TMEM230: variants seen among roughly 807,000 people sequenced by gnomAD.
TMEM230 encodes the protein UPF0414 transmembrane protein C20orf30.
In TMEM230, 10 loss-of-function variants were observed where a neutral mutation model predicts 15.8. The observed-to-expected ratio is 0.63, with a 90% CI of 0.39 to 1.07. The LOEUF (loss-of-function observed/expected upper bound fraction) is 1.07, where lower values mean the gene tolerates loss of function less well. Among genes scored for constraint, TMEM230 ranks in the 50% least tolerant of loss-of-function variants. The pLI, the probability that TMEM230 is intolerant of heterozygous loss-of-function variation, is 0.01. For synonymous variants in TMEM230, 67 were observed against 76.9 expected (o/e 0.87, Z 0.68); for missense variants, 165 against 193.3 (o/e 0.85, Z 0.87).
chr20:5,083,515 T>C (rs1345749062), intron 3 of TMEM230, among the ~76,000 whole-genome samples: 1 of 152,126 alleles, frequency 6.6e-6, no homozygotes, highest in Non-Finnish European at 1.5e-5. Flanking sequence ...TTCAACCTAT[T>C]AGGGCACTCA....
chr20:5,089,009 T>C (rs1231585801), intron 3 of TMEM230, among the ~76,000 whole-genome samples: 1 of 152,176 alleles, frequency 6.6e-6, no homozygotes, highest in Non-Finnish European at 1.5e-5. Flanking sequence ...GAGATAAAAA[T>C]GTTATGGTCA....
downstream of TMEM230, among the ~76,000 whole-genome samples, chr20:5,063,708 A>C (rs1326342191): frequency 2.6e-5 from 4 of 152,198 alleles, no homozygotes; most frequent in Non-Finnish European, 5.9e-5. Context: ...AAGTCATACA[A>C]GCTGCATATA....
chr20:5,102,480 C>T (rs1036811002), intron 4 of TMEM230, among the ~76,000 whole-genome samples: 1 of 151,840 alleles, frequency 6.6e-6, no homozygotes, highest in African/African-American at 2.4e-5. Context: ...CGCTTGAGCT[C>T]AGGATTTCAA....
chr20:5,061,085 C>T, the TMEM230 span: 1 of 152,190 alleles, frequency 6.6e-6, no homozygotes, highest in African/African-American at 2.4e-5. Flanking sequence ...AAACACAATA[C>T]AGCCTGGAAT....
At chr20:5,090,992 CATG>C (rs528838376) in intron 3 of TMEM230, among the ~76,000 whole-genome samples, 6 of 152,102 alleles carry the variant, frequency 3.9e-5, no homozygotes, top group Non-Finnish European at 8.8e-5. Context: ...TACTGATTTT[CATG>C]ATAAGCCTTG....
chr20:5,105,412 G>A (rs1328995970), intron 4 of TMEM230, among the ~76,000 whole-genome samples: 4 of 151,976 alleles, frequency 2.6e-5, no homozygotes, highest in African/African-American at 7.3e-5. Flanking sequence ...GCAACATGGC[G>A]AAACCCCATC....
intron 2 of TMEM230, chr20:5,110,984 C>T (rs1283344585): frequency 1.3e-5 from 2 of 152,058 alleles, no homozygotes; most frequent in Non-Finnish European, 2.9e-5. Context: ...GAATTCGAGA[C>T]CAGCTTGGCC....
At chr20:5,088,178 G>A (rs532647275) in intron 3 of TMEM230, among the ~76,000 whole-genome samples, 4 of 150,856 alleles carry the variant, frequency 2.7e-5, no homozygotes, top group African/African-American at 4.9e-5. Context: ...GCGTGGTGGC[G>A]CATGCCTGTA....
At chr20:5,106,615 C>G (rs1245742472) in intron 3 of TMEM230, among the ~76,000 whole-genome samples, 4 of 152,134 alleles carry the variant, frequency 2.6e-5, no homozygotes, top group African/African-American at 9.7e-5. Flanking sequence ...CCTTGTTGAC[C>G]TGGCTGGGCT....
rs531352252 is a variant in TMEM230 at position 5,106,667 on chromosome 20, A to C, written c.289-357T>G. ...GGTGATCCGCCCGCCTCGGCCTCCC[A>C]AAGTGCTGGCATTACAGGCGTGAGC... On this transcript the variant is annotated intron_variant, in intron 3 of 4. Coordinates refer to ENST00000342308, the MANE Select transcript of TMEM230 (RefSeq NM_001009923.2). Among the ~76,000 whole-genome samples, 8 of 152,250 alleles carry C rather than the reference A, an allele frequency of 5.3e-5. No homozygotes were observed. The South Asian group carries it at 1.7e-3, about 32-fold the overall frequency.
chr20:5,081,723 G>A (rs2089180624), intron 3 of TMEM230, among the ~76,000 whole-genome samples: 1 of 152,118 alleles, frequency 6.6e-6, no homozygotes, highest in Admixed American at 6.5e-5. Flanking sequence ...AGAGTCAGAT[G>A]ATCCTCCTTT....
chr20:5,088,112 C>T (rs2089403510), intron 3 of TMEM230, among the ~76,000 whole-genome samples: 2 of 150,352 alleles, frequency 1.3e-5, no homozygotes, highest in African/African-American at 4.9e-5. Flanking sequence ...AGTTTGAAAC[C>T]AGCCTGGCCA....
chr20:5,067,391 T>A (rs947369655), downstream of TMEM230: 1 of 138,408 alleles, frequency 7.2e-6, no homozygotes, highest in Non-Finnish European at 1.5e-5. Context: ...TATGCCACAA[T>A]GTCAACAGTG....
chr20:5,059,933 G>A, the TMEM230 span, among the ~76,000 whole-genome samples: 1 of 151,322 alleles, frequency 6.6e-6, no homozygotes, highest in East Asian at 1.9e-4. Flanking sequence ...TACCATGCCT[G>A]GCTAATTTTT....
chr20:5,070,097 G>A (rs2088773636), intron 3 of TMEM230, among the ~76,000 whole-genome samples: 1 of 152,072 alleles, frequency 6.6e-6, no homozygotes, highest in Non-Finnish European at 1.5e-5. Context: ...GAGTTAAGAA[G>A]CCTTACGGGT....
chr20:5,077,532 C>A (rs1015975818), intron 3 of TMEM230, among the ~76,000 whole-genome samples: 8 of 135,154 alleles, frequency 5.9e-5, no homozygotes, highest in African/African-American at 1.8e-4. Flanking sequence ...AATCCCGTCT[C>A]TACTAAAAAT....
At chr20:5,079,836 C>T (rs2089126629) in intron 3 of TMEM230, among the ~76,000 whole-genome samples, 3 of 152,078 alleles carry the variant, frequency 2.0e-5, no homozygotes, top group Admixed American at 2.0e-4. Flanking sequence ...CTCACTGCAA[C>T]CTCTGCCTCC....
rs769374561 is a variant in TMEM230, at chr20:5,100,046, T to C, written c.*745A>G. ...AGGTGCTAGCAATACGGCTATAAAC[T>C]CTAAATAATAACCACTACATGTTTC... On this transcript the variant is annotated 3_prime_UTR_variant, in exon 5 of 5. Transcript: ENST00000342308. 5.2e-5 allele frequency: 51 copies of C among 985,214 alleles called. No individual in the cohort carries two copies. The highest frequency in any genetic ancestry group is 5.5e-5 in the Non-Finnish European group (46 of 829,928). 61.0% of individuals were successfully genotyped at this position (985,214 alleles called of 1,614,324 possible).
chr20:5,082,380 G>A (rs1037145190), intron 3 of TMEM230, among the ~76,000 whole-genome samples: 2 of 151,438 alleles, frequency 1.3e-5, no homozygotes, highest in Non-Finnish European at 2.9e-5. Flanking sequence ...AGCTGGAACT[G>A]CAGGTGCATG....
Sources: gnomAD v4.1 joint callset for allele counts (sites outside exome capture counted in the v4.1 genomes callset) on GRCh38, gnomAD v4.1.1 for gene constraint, MANE v1.5 for transcripts, NCBI Gene and HGNC (gene_info 2026-07-23, HGNC 2026-07-21) for gene names.